TTC39C: variants seen among roughly 807,000 people sequenced by gnomAD.
TTC39C encodes the protein tetratricopeptide repeat protein 39C.
A neutral mutation model predicts 76.3 loss-of-function variants in TTC39C; 33 were observed. The observed-to-expected ratio is 0.43, with a 90% confidence interval of 0.33 to 0.58. TTC39C has a LOEUF of 0.58. Among genes scored for constraint, TTC39C ranks in the 20% least tolerant of loss-of-function variants. The pLI is 0.04. For missense variants in TTC39C, 595 were observed against 701.4 expected (o/e 0.85, Z 1.71); for synonymous variants, 254 against 260.6 (o/e 0.97, Z 0.24).
At chr18:24,039,494 G>A (rs1301451121) in intron 1 of TTC39C, among the ~76,000 whole-genome samples, 1 of 152,204 alleles carries the variant, frequency 6.6e-6, no homozygotes, top group Non-Finnish European at 1.5e-5. Flanking sequence ...GCAGGTTTTT[G>A]TTTTGTCTTG....
chr18:24,032,423 A>G (rs936740569), intron 1 of TTC39C, among the ~76,000 whole-genome samples: 6 of 152,032 alleles, frequency 3.9e-5, no homozygotes, highest in Non-Finnish European at 8.8e-5. Context: ...AGTATCCCTT[A>G]TCCTAAATGC....
At chr18:24,085,906 C>T (rs2084432679) in intron 6 of TTC39C, among the ~76,000 whole-genome samples, 1 of 152,146 alleles carries the variant, frequency 6.6e-6, no homozygotes, top group African/African-American at 2.4e-5. Context: ...GTTATTATCC[C>T]CAAGGTGCCC....
chr18:24,129,076 A>G, intron 11 of TTC39C, 93 bp downstream of exon 11: 1 of 871,010 alleles, frequency 1.1e-6, no homozygotes, highest in African/African-American at 1.7e-5. Context: ...GCACTGAACG[A>G]AACCGAACCT....
chr18:24,123,887 G>T lies in TTC39C; in HGVS notation c.1240G>T (p.Val414Phe), dbSNP rs745629919. Residue 414 changes from valine to phenylalanine, a missense_variant, in exon 9 of 14, where the codon GTT becomes TTT. Val to Phe is a conservative substitution (Grantham distance 50). Coordinates refer to ENST00000317571, the MANE Select transcript of TTC39C (RefSeq NM_001135993.2). ...TGGGGCACAGATTGTCTTTAAAGAA[G>T]TTCAGAAACTCTTCAAAAGGAAAAA... ...VDGAQIVFKE[V>F]QKLFKRKNNQ... The T allele has an allele frequency of 3.1e-5, 50 of 1,612,952 alleles. No homozygotes were observed. The highest frequency in any genetic ancestry group is 4.0e-5 in the African/African-American group (3 of 74,676).
chr18:24,086,258 A>G (rs9304425), intron 6 of TTC39C, among the ~76,000 whole-genome samples: 114,795 of 152,108 alleles, frequency 0.75, 45,858 homozygotes, highest in Non-Finnish European at 0.89. Context: ...TTGTTTCTTC[A>G]GTGACTCAGA....
chr18:24,112,585 G>T (rs2084829762), intron 6 of TTC39C, among the ~76,000 whole-genome samples: 1 of 152,108 alleles, frequency 6.6e-6, no homozygotes, highest in Non-Finnish European at 1.5e-5. Flanking sequence ...TTTATCTCCA[G>T]AGCCTGTCCC....
intron 1 of TTC39C, among the ~76,000 whole-genome samples, chr18:24,030,242 G>A (rs1415599155): frequency 6.6e-6 from 1 of 152,202 alleles, no homozygotes; most frequent in African/African-American, 2.4e-5. Context: ...ATAGAATAGA[G>A]ATGAATTGCC....
upstream of TTC39C, among the ~76,000 whole-genome samples, chr18:24,013,553 G>A (rs1470848637): frequency 6.6e-6 from 1 of 151,730 alleles, no homozygotes; most frequent in Non-Finnish European, 1.5e-5. Context: ...TAAACCTGAG[G>A]ATTGCTTTCA....
At chr18:24,011,058 C>T (rs16940430), upstream of TTC39C, among the ~76,000 whole-genome samples, 47,340 of 151,926 alleles carry the variant, frequency 0.31, 8,366 homozygotes, top group East Asian at 0.6. Flanking sequence ...AGAAAAAAAC[C>T]GAATGTAATT....
chr18:24,091,973 G>A (rs1222068816), intron 6 of TTC39C, among the ~76,000 whole-genome samples: 1 of 151,280 alleles, frequency 6.6e-6, no homozygotes, highest in African/African-American at 2.4e-5. Context: ...GGCGCCTGTA[G>A]TCCCAGCTAC....
At chr18:24,043,141 G>A (rs887598991) in intron 1 of TTC39C, among the ~76,000 whole-genome samples, 4 of 152,136 alleles carry the variant, frequency 2.6e-5, no homozygotes, top group South Asian at 2.1e-4. Context: ...AATGTAATTC[G>A]TAGAAGTAGC....
intron 6 of TTC39C, among the ~76,000 whole-genome samples, chr18:24,085,778 A>G (rs2084431048): frequency 1.3e-5 from 2 of 152,228 alleles, no homozygotes; most frequent in East Asian, 3.9e-4. Context: ...ATCTGTGACT[A>G]CGGTTATTTA....
intron 1 of TTC39C, among the ~76,000 whole-genome samples, chr18:24,008,965 C>A (rs1231845274): frequency 6.6e-6 from 1 of 152,164 alleles, no homozygotes; most frequent in African/African-American, 2.4e-5. Context: ...AACCAAACAC[C>A]ACATGTTCTC....
intron 6 of TTC39C, among the ~76,000 whole-genome samples, chr18:24,087,202 G>GTCTA (rs1185607657): frequency 1.3e-5 from 2 of 152,130 alleles, no homozygotes; most frequent in Admixed American, 6.5e-5. Context: ...TTAGACCTAT[G>GTCTA]GTAGTGTTAT....
At chr18:24,117,009 G>A (rs1265922545) in intron 7 of TTC39C, among the ~76,000 whole-genome samples, 1 of 151,530 alleles carries the variant, frequency 6.6e-6, no homozygotes, top group African/African-American at 2.4e-5. Flanking sequence ...ATAGAGATGG[G>A]GTTTCACCGT....
At chr18:24,072,184 T>G (rs2084248858) in intron 4 of TTC39C, among the ~76,000 whole-genome samples, 2 of 150,944 alleles carry the variant, frequency 1.3e-5, no homozygotes, top group African/African-American at 4.9e-5. Context: ...ATGTTTGTTA[T>G]GGGTGGCCCT....
At chr18:24,084,439 T>C (rs1483721149) in intron 6 of TTC39C, among the ~76,000 whole-genome samples, 2 of 152,076 alleles carry the variant, frequency 1.3e-5, no homozygotes, top group African/African-American at 4.8e-5. Flanking sequence ...GAGCCGAGAT[T>C]GCGCCACTGC....
intron 3 of TTC39C, among the ~76,000 whole-genome samples, chr18:24,068,080 G>T (rs2084190057): frequency 6.6e-6 from 1 of 152,106 alleles, no homozygotes; most frequent in Non-Finnish European, 1.5e-5. Flanking sequence ...TCTATATTTT[G>T]TCATTAGAAT....
intron 1 of TTC39C, among the ~76,000 whole-genome samples, chr18:24,054,174 A>G (rs535159006): frequency 1.1e-3 from 168 of 152,334 alleles, no homozygotes; most frequent in African/African-American, 3.8e-3. Context: ...GGTTCAGTTC[A>G]CTGCCAGCCT....
Sources: gnomAD v4.1 joint callset for allele counts (sites outside exome capture counted in the v4.1 genomes callset) on GRCh38, gnomAD v4.1.1 for gene constraint, MANE v1.5 for transcripts, NCBI Gene and HGNC (gene_info 2026-07-23, HGNC 2026-07-21) for gene names.